FARP1: variants seen among roughly 807,000 people sequenced by gnomAD.
The protein encoded by FARP1 is FERM, ARH/RhoGEF and pleckstrin domain protein 1.
FARP1 carries 52 observed loss-of-function variants against 128.8 expected under a neutral mutation model. The observed-to-expected ratio is 0.40, with a 90% CI of 0.32 to 0.51. The LOEUF is 0.51. Among genes scored for constraint, FARP1 ranks in the 20% least tolerant of loss-of-function variants. The probability of loss-of-function intolerance (pLI) is 0.45; values close to 1 mark genes in which losing one functional copy is unlikely to be tolerated. For missense variants in FARP1, 1,333 were observed against 1,367.9 expected, an observed-to-expected ratio of 0.97 and a Z score of 0.40; for synonymous variants, 580 against 551.8, an observed-to-expected ratio of 1.05 and a Z score of -0.72.
At chr13:98,439,512 G>A (rs899635664) in intron 21 of FARP1, among the ~76,000 whole-genome samples, 47 of 152,092 alleles carry the variant, frequency 3.1e-4, no homozygotes, top group Admixed American at 1.8e-3. Flanking sequence ...GCATGAACTC[G>A]CCTCCCACAG....
intron 2 of FARP1, among the ~76,000 whole-genome samples, chr13:98,228,854 A>G (rs1753446558): frequency 6.6e-6 from 1 of 152,216 alleles, no homozygotes; most frequent in African/African-American, 2.4e-5. Flanking sequence ...TTAAAATGAT[A>G]CTGAAGTTAC....
At chr13:98,382,596 C>T (rs1327812162) in intron 6 of FARP1, 1 of 152,178 alleles carries the variant, frequency 6.6e-6, no homozygotes, top group African/African-American at 2.4e-5. Context: ...CAGATTCTGT[C>T]TGAAAATTCG....
intron 2 of FARP1, among the ~76,000 whole-genome samples, 194 bp downstream of exon 2, chr13:98,213,607 T>C (rs942052557): frequency 6.6e-6 from 1 of 152,166 alleles, no homozygotes; most frequent in East Asian, 1.9e-4. Flanking sequence ...AGATTTATGC[T>C]TGAACCACCC....
chr13:98,192,193 G>A (rs1006712140), intron 1 of FARP1, among the ~76,000 whole-genome samples: 1 of 152,094 alleles, frequency 6.6e-6, no homozygotes, highest in Non-Finnish European at 1.5e-5. Flanking sequence ...CAGCAGATAT[G>A]CTACAGTTTG....
At chr13:98,194,505 T>C (rs1879447016) in intron 1 of FARP1, among the ~76,000 whole-genome samples, 1 of 152,240 alleles carries the variant, frequency 6.6e-6, no homozygotes, top group Non-Finnish European at 1.5e-5. Context: ...GTGGAAGTTA[T>C]TTATATCTTG....
At chr13:98,448,152 TTG>T (rs1491478025) in intron 26 of FARP1, 82 bp from the exon 27 acceptor site, 13 of 1,196,506 alleles carry the variant, frequency 1.1e-5, no homozygotes, top group African/African-American at 4.5e-5. Context: ...TGACTTCACC[TTG>T]TGTTTCTGTA....
chr13:98,437,628 A>AG, intron 19 of FARP1: 2 of 576,752 alleles, frequency 3.5e-6, no homozygotes, highest in Non-Finnish European at 3.1e-6. Context: ...TTTTTCTATC[A>AG]GCCAAGGCTC....
chr13:98,209,816 A>G (rs1247442837), intron 1 of FARP1, among the ~76,000 whole-genome samples: 48 of 131,690 alleles, frequency 3.6e-4, no homozygotes, highest in African/African-American at 1.0e-3. Flanking sequence ...AAAAAAAAAA[A>G]AAAAAAAAAA....
intron 1 of FARP1, among the ~76,000 whole-genome samples, chr13:98,198,393 G>A (rs1879712846): frequency 2.0e-5 from 3 of 152,202 alleles, no homozygotes; most frequent in Admixed American, 2.0e-4. Flanking sequence ...TATCCATACA[G>A]ATGGGATATT....
At chr13:98,229,874 A>G (rs1476707933) in intron 2 of FARP1, among the ~76,000 whole-genome samples, 1 of 152,080 alleles carries the variant, frequency 6.6e-6, no homozygotes, top group South Asian at 2.1e-4. Flanking sequence ...GCCTCTCTCT[A>G]CTGTATTGGC....
At chr13:98,245,282 G>A (rs368396240) in intron 2 of FARP1, 19 of 983,878 alleles carry the variant, frequency 1.9e-5, no homozygotes, top group Non-Finnish European at 2.3e-5. Context: ...TTAGAAAGGC[G>A]AATAAAGTCA....
At chr13:98,211,715 C>T (rs1255585769) in intron 1 of FARP1, among the ~76,000 whole-genome samples, 2 of 152,198 alleles carry the variant, frequency 1.3e-5, no homozygotes, top group Non-Finnish European at 2.9e-5. Context: ...GTTCAATTCT[C>T]ACCTTCTCCA....
chr13:98,395,494 G>C lies in FARP1; in HGVS notation c.1414+18G>C. The C allele has an allele frequency of 3.2e-6, 5 of 1,559,198 alleles. No homozygotes were observed. The highest frequency in any genetic ancestry group is 4.4e-6 in the Non-Finnish European group (5 of 1,147,752). Reference sequence around the variant, plus strand: ...AAGCACAGGTCCAGCATCCCGGGCTGCCAGAGGCAGCAGTACTTCCATTCC... The same window carrying C: ...AAGCACAGGTCCAGCATCCCGGGCTCCCAGAGGCAGCAGTACTTCCATTCC... On this transcript the variant is annotated intron_variant, in intron 13 of 26. Transcript: ENST00000319562.
chr13:98,418,072 C>G lies in FARP1; in HGVS notation c.1826+6038C>G, dbSNP rs149594768. Among the ~76,000 whole-genome samples the G allele has an allele frequency of 2.7e-3, 413 of 152,206 alleles. 2 individuals are homozygous for G. Among genetic ancestry groups the G allele is most frequent in the African/African-American group, 9.7e-3 (401 of 41,534 alleles). ...TATGTTTTTATTAGTTTTTTAGAGACAAAGTCTCGCTCTGTTGCCCAGGCT... is the reference window on the plus strand; with the variant it reads ...TATGTTTTTATTAGTTTTTTAGAGAGAAAGTCTCGCTCTGTTGCCCAGGCT... On this transcript the variant is annotated intron_variant, in intron 16 of 26. Transcript: ENST00000319562.
At position 98,446,155 on chromosome 13, in the gene FARP1, C is replaced by G; in HGVS notation, c.2854C>G (p.Leu952Val). The change falls in exon 25 of 27, where the codon CTG (leucine) becomes GTG (valine). Residue 952 changes from leucine to valine, a missense_variant. By Grantham distance (32) the Leu-to-Val change is conservative. Coordinates refer to ENST00000319562, the MANE Select transcript of FARP1 (RefSeq NM_005766.4). ...CAAAAACAGCAACGGGTGGCAGAAG[C>G]TGTGGGTGGTGTTCACAAACTTCTG... ...KFKNSNGWQK[L>V]WVVFTNFCLF... 6.2e-7 allele frequency: 1 copy of G among 1,614,050 alleles called. No individual in the cohort carries two copies. The highest frequency in any genetic ancestry group is 8.5e-7 in the Non-Finnish European group (1 of 1,179,916).
chr13:98,168,135 G>A (rs556269483), intron 1 of FARP1, among the ~76,000 whole-genome samples: 1 of 150,082 alleles, frequency 6.7e-6, no homozygotes, highest in East Asian at 2.0e-4. Context: ...TCGTGCCACT[G>A]CACTCCAGCC....
intron 3 of FARP1, among the ~76,000 whole-genome samples, chr13:98,358,892 C>T (rs756818414): frequency 1.3e-5 from 2 of 152,150 alleles, no homozygotes; most frequent in Non-Finnish European, 2.9e-5. Flanking sequence ...CTGCCTCAGC[C>T]TCCCAAAGTG....
chr13:98,145,934 T>G (rs1405930111), intron 1 of FARP1, among the ~76,000 whole-genome samples: 1 of 151,756 alleles, frequency 6.6e-6, no homozygotes, highest in Non-Finnish European at 1.5e-5. Flanking sequence ...TGGTTAAAGA[T>G]ACAAATAAGA....
At chr13:98,227,890 T>C (rs1881888312) in intron 2 of FARP1, among the ~76,000 whole-genome samples, 1 of 152,244 alleles carries the variant, frequency 6.6e-6, no homozygotes, top group East Asian at 1.9e-4. Flanking sequence ...AAATACTATA[T>C]GATTCTACTA....
Sources: allele counts gnomAD v4.1 joint callset (sites outside exome capture counted in the v4.1 genomes callset), GRCh38; gene constraint gnomAD v4.1.1; transcripts MANE v1.5; gene names NCBI Gene and HGNC (gene_info 2026-07-23, HGNC 2026-07-21).